Variants in MYH7B observed in about 807,000 individuals in gnomAD.
The protein encoded by MYH7B is myosin-7B.
In MYH7B, 205 loss-of-function variants were observed where a neutral mutation model predicts 234.5. That is an observed-to-expected ratio of 0.87 (90% CI 0.78 to 0.98). The LOEUF (loss-of-function observed/expected upper bound fraction) is 0.98, where lower values mean the gene tolerates loss of function less well. Among genes scored for constraint, MYH7B ranks in the 50% least tolerant of loss-of-function variants. The pLI is 0.00. For synonymous variants in MYH7B, 1,193 were observed against 1,105.0 expected (o/e 1.08, Z -1.58); for missense variants, 2,652 against 2,633.4 (o/e 1.01, Z -0.15).
At chr20:34,962,195 C>T (rs559973457) in intron 2 of MYH7B, among the ~76,000 whole-genome samples, 2 of 152,228 alleles carry the variant, frequency 1.3e-5, no homozygotes, top group African/African-American at 4.8e-5. Context: ...CCACTGCACT[C>T]CAGCATGGGT....
At chr20:34,973,379 G>C (rs1340970857) in intron 2 of MYH7B, among the ~76,000 whole-genome samples, 3 of 152,220 alleles carry the variant, frequency 2.0e-5, no homozygotes, top group Non-Finnish European at 4.4e-5. Flanking sequence ...CCTCCCAGCT[G>C]TAGAAGCATT....
chr20:34,991,090 A>T, exon 24 of MYH7B: 1 of 1,613,420 alleles, frequency 6.2e-7, no homozygotes, highest in Non-Finnish European at 8.5e-7. Flanking sequence ...AGGGTTCCCC[A>T]ACAGGTTGCT....
In MYH7B at chr20:34,977,917, T is replaced by C. The variant is rs2081881964; in HGVS notation, c.-72-17T>C. 1 of 1,612,882 alleles carries C rather than the reference T, an allele frequency of 6.2e-7. No homozygotes were observed. The highest frequency in any genetic ancestry group is 8.5e-7 in the Non-Finnish European group (1 of 1,179,992). ...ATCGTGCCCTAGTTCAGCTCCCTTG[T>C]CACTGCCATCTTCCAGTGCCTGCTG... is the stretch of plus-strand genomic sequence containing the variant. On this transcript the variant is annotated splice_polypyrimidine_tract_variant and intron_variant, in intron 4 of 44. Coordinates refer to ENST00000262873, the Ensembl canonical transcript of MYH7B.
At position 34,990,810 on chromosome 20, in the gene MYH7B, G is replaced by T. The variant is rs752537381; in HGVS notation, c.2050G>T (p.Glu684Ter). 2.5e-6 allele frequency: 4 copies of T among 1,614,006 alleles called. No individual in the cohort carries two copies. In the African/African-American group the frequency reaches 4.0e-5, roughly 16 times the overall value. ...CTTCGTCCGCTGCATTGTCCCCAACGAGAACAAAACCCCAGGTAGTCACCC... is the reference window on the plus strand; with the variant it reads ...CTTCGTCCGCTGCATTGTCCCCAACTAGAACAAAACCCCAGGTAGTCACCC... Residue 684 changes from glutamate (E) to a stop codon, truncating the protein, a stop_gained, in exon 23 of 45, where the codon GAG becomes TAG. Transcript: ENST00000262873. LOFTEE classifies it high-confidence loss of function.
intron 14 of MYH7B, among the ~76,000 whole-genome samples, chr20:34,986,535 TG>T (rs2082026132): frequency 6.6e-6 from 1 of 152,230 alleles, no homozygotes; most frequent in Admixed American, 6.5e-5. Context: ...GGGCAGAGTC[TG>T]GTCTTCCCTG....
chr20:34,969,653 T>A (rs559032796), intron 2 of MYH7B, among the ~76,000 whole-genome samples: 1 of 147,840 alleles, frequency 6.8e-6, no homozygotes, highest in African/African-American at 2.5e-5. Flanking sequence ...CAAGCAGTCC[T>A]CCTGCCTCAG....
exon 34 of MYH7B, chr20:34,998,542 G>C (rs2082306745): frequency 6.2e-7 from 1 of 1,613,614 alleles, no homozygotes; most frequent in South Asian, 1.1e-5. Context: ...AGGAGAAGGA[G>C]TGTCTGATCA....
exon 37 of MYH7B, chr20:34,999,611 G>A: frequency 1.2e-6 from 2 of 1,613,538 alleles, no homozygotes; most frequent in South Asian, 2.2e-5. Flanking sequence ...GTCTCAGTGG[G>A]AAGAGCATCC....
chr20:34,987,636 A>G lies in MYH7B; in HGVS notation c.1227A>G (p.Val409=), dbSNP rs578226754. The change falls in exon 17 of 45, where the codon GTA becomes GTG. Residue 409 remains valine (V), a synonymous_variant. Coordinates refer to ENST00000262873, the Ensembl canonical transcript of MYH7B. ...GCCTTTTGCACCCCCGGGTGCGTGT[A>G]GGGAACGAGTACGTGACCAAGGGCC... is the stretch of plus-strand genomic sequence containing the variant. The G allele has an allele frequency of 6.3e-4, 1,010 of 1,614,038 alleles. 9 individuals are homozygous for G. The South Asian group carries it at 0.01, about 17-fold the overall frequency.
chr20:34,975,861 G>A (rs1158244426), intron 3 of MYH7B, among the ~76,000 whole-genome samples: 4 of 152,194 alleles, frequency 2.6e-5, no homozygotes, highest in Non-Finnish European at 4.4e-5. Flanking sequence ...GACTACAGGC[G>A]CCCGCCACCA....
chr20:34,987,105 G>A (rs1477984743), intron 15 of MYH7B, 44 bp from the exon 16 acceptor site: 5 of 1,606,018 alleles, frequency 3.1e-6, no homozygotes, highest in Admixed American at 3.3e-5. Flanking sequence ...GGACCCTGGA[G>A]GAGCCCAGAC....
chr20:34,988,075 G>T lies in MYH7B; in HGVS notation c.1417-17G>T, dbSNP rs2082064514. The stretch of plus-strand genomic sequence containing the variant: ...ATCTGCGAGAGGTCTGCTGAGCCAG[G>T]CCCCTCCCTCTTGTAGTTCAACAGC... On this transcript the variant is annotated splice_polypyrimidine_tract_variant and intron_variant, in intron 18 of 44. Transcript: ENST00000262873. The T allele has an allele frequency of 1.2e-6, 2 of 1,604,962 alleles. No individual in the cohort carries two copies. Among genetic ancestry groups the T allele is most frequent in the Non-Finnish European group, 1.7e-6 (2 of 1,174,436 alleles).
chr20:34,977,669 C>CGTGGTG, exon 4 of MYH7B: 2 of 1,376,310 alleles, frequency 1.5e-6, no homozygotes, highest in Non-Finnish European at 1.9e-6. Context: ...CTGCCCTCAC[C>CGTGGTG]GTGGTGCCGA....
intron 2 of MYH7B, among the ~76,000 whole-genome samples, chr20:34,967,861 G>A (rs868867181): frequency 5.9e-5 from 9 of 152,298 alleles, no homozygotes; most frequent in Admixed American, 6.5e-5. Flanking sequence ...TTTGGTCCAG[G>A]ATTTGTGGGG....
chr20:34,998,388 A>AGTAC lies in MYH7B; in HGVS notation c.3842_3843insTACG (p.Gln1283HisfsTer67). ...GCTGCAGCGGCAGCTGGCGGACGCA[A>AGTAC]GCACGCAGCGTGGGCGACTACAGAC... On this transcript the variant is annotated frameshift_variant, in exon 33 of 45. Transcript: ENST00000262873. LOFTEE classifies it high-confidence loss of function. 3.7e-6 allele frequency: 6 copies of AGTAC among 1,613,596 alleles called. No homozygotes were observed. Among genetic ancestry groups the AGTAC allele is most frequent in the Non-Finnish European group, 5.1e-6 (6 of 1,180,016 alleles).
exon 32 of MYH7B, chr20:34,997,413 C>G (rs1275167498): frequency 6.8e-7 from 1 of 1,474,480 alleles, no homozygotes. Flanking sequence ...CTGCCGCAAG[C>G]GGGAGGCGGA....
exon 31 of MYH7B, chr20:34,997,093 G>C: frequency 5.2e-6 from 8 of 1,548,604 alleles, no homozygotes; most frequent in Non-Finnish European, 7.0e-6. Context: ...GAAGGACTCC[G>C]AGCTGAGCCA....
At chr20:34,970,922 C>T (rs529960659) in intron 2 of MYH7B, among the ~76,000 whole-genome samples, 3 of 152,256 alleles carry the variant, frequency 2.0e-5, no homozygotes, top group South Asian at 4.1e-4. Flanking sequence ...GGAGGGCAGA[C>T]GCAGGGCCTG....
intron 32 of MYH7B, among the ~76,000 whole-genome samples, chr20:34,997,862 A>G (rs1461451592): frequency 6.6e-6 from 1 of 152,056 alleles, no homozygotes; most frequent in Non-Finnish European, 1.5e-5. Context: ...CTGATCCAGC[A>G]TCTACTTCCA....
Sources: allele counts gnomAD v4.1 joint callset (sites outside exome capture counted in the v4.1 genomes callset), GRCh38; gene constraint gnomAD v4.1.1; transcripts MANE v1.5; gene names NCBI Gene and HGNC (gene_info 2026-07-23, HGNC 2026-07-21).